The following TSHZ1 variants were observed in gnomAD, a reference collection of about 807,000 sequenced individuals.
TSHZ1 encodes the protein teashirt homolog 1.
TSHZ1 carries 12 observed loss-of-function variants against 67.1 expected under a neutral mutation model. The ratio of observed to expected loss-of-function variants is 0.18; its 90% CI spans 0.11 to 0.29. The LOEUF (loss-of-function observed/expected upper bound fraction) is 0.29. Ranked by LOEUF, TSHZ1 falls within the 10% of genes least tolerant of loss-of-function variation. TSHZ1 has a pLI of 1.00. For synonymous variants in TSHZ1, 632 were observed against 622.4 expected (o/e 1.02, Z -0.23); for missense variants, 1,305 against 1,413.9 (o/e 0.92, Z 1.23).
chr18:75,286,437 A>G lies in TSHZ1; in HGVS notation c.1030A>G (p.Ile344Val). ...GCCTCTGAAGGAGCCAGTGCCAGCC[A>G]TCACCAAACTGGTCCCCTCCACCAA... is the stretch of plus-strand genomic sequence containing the variant. ...KVPLKEPVPA[I>V]TKLVPSTKKR... The change falls in exon 2 of 2, where the codon ATC becomes GTC. Residue 344 changes from isoleucine (I) to valine (V), a missense_variant. Around this residue, in one of 3 missense-constraint regions of TSHZ1, gnomAD observed 38 missense variants for 76.5 expected, o/e 0.50. Coordinates refer to ENST00000580243, the MANE Select transcript of TSHZ1 (RefSeq NM_001308210.2). This position sits in a 1 kb window ranked among gnomAD's most constrained non-coding sequence, Gnocchi z 5.1. 2.5e-6 allele frequency: 4 copies of G among 1,614,192 alleles called. No homozygotes were observed. Among genetic ancestry groups the G allele is most frequent in the African/African-American group, 1.3e-5 (1 of 75,052 alleles).
intron 1 of TSHZ1, among the ~76,000 whole-genome samples, chr18:75,246,403 G>GGTGTGTGTGTGTGTGTGTGTGT (rs74178999): frequency 0.051 from 5,506 of 108,250 alleles, 489 homozygotes; most frequent in Admixed American, 0.062. Flanking sequence ...TTTGGTTTCT[G>GGTGTGTGTGTGTGTGTGTGTGT]GTGTGTGTGT....
At position 75,238,155 on chromosome 18, in the gene TSHZ1, C is replaced by T. The variant is rs76951761; in HGVS notation, c.40+26239C>T. Among the ~76,000 whole-genome samples the T allele has an allele frequency of 8.7e-3, 1,325 of 152,240 alleles. 50 individuals are homozygous for T. Among genetic ancestry groups the T allele is most frequent in the Admixed American group, 0.07 (1,067 of 15,284 alleles). ...TTTGCTTGGAACTCTCCTCAGCTAC[C>T]CACCGGTTACTGCTGTATTTGCAGC... On this transcript the variant is annotated intron_variant, in intron 1 of 1. Coordinates refer to ENST00000580243, the MANE Select transcript of TSHZ1 (RefSeq NM_001308210.2).
intron 1 of TSHZ1, among the ~76,000 whole-genome samples, chr18:75,214,685 G>A (rs140025209): frequency 9.4e-4 from 143 of 152,112 alleles, no homozygotes; most frequent in African/African-American, 3.4e-3. Flanking sequence ...AGAGAGGAAG[G>A]GAAAATTATC....
chr18:75,273,879 T>C (rs2023585037), intron 1 of TSHZ1, among the ~76,000 whole-genome samples: 1 of 152,212 alleles, frequency 6.6e-6, no homozygotes, highest in African/African-American at 2.4e-5. Context: ...TGGTAGGGCC[T>C]CTATAATTTT....
intron 1 of TSHZ1, among the ~76,000 whole-genome samples, chr18:75,224,941 AC>A (rs1362234862): frequency 6.6e-6 from 1 of 151,092 alleles, no homozygotes; most frequent in Non-Finnish European, 1.5e-5. Flanking sequence ...CATCTTTAGC[AC>A]CCCTGAGTTG....
intron 1 of TSHZ1, among the ~76,000 whole-genome samples, chr18:75,278,115 C>G (rs1239526853): frequency 6.6e-6 from 1 of 152,092 alleles, no homozygotes; most frequent in Non-Finnish European, 1.5e-5. Flanking sequence ...CCCATAGAGG[C>G]GAACCACTGG....
intron 1 of TSHZ1, among the ~76,000 whole-genome samples, chr18:75,230,658 A>C (rs1480040262): frequency 6.6e-6 from 1 of 152,208 alleles, no homozygotes; most frequent in Non-Finnish European, 1.5e-5. Context: ...CAGTCACCAC[A>C]CGCAGGTATG....
intron 1 of TSHZ1, among the ~76,000 whole-genome samples, chr18:75,216,926 A>C (rs1485225095): frequency 1.3e-5 from 2 of 152,186 alleles, no homozygotes; most frequent in Non-Finnish European, 2.9e-5. Context: ...CACTCCAGCC[A>C]AACGCCAGAC....
intron 1 of TSHZ1, among the ~76,000 whole-genome samples, chr18:75,268,841 C>T (rs778959190): frequency 6.6e-6 from 1 of 152,210 alleles, no homozygotes; most frequent in Non-Finnish European, 1.5e-5. Context: ...TAAAGGGAGG[C>T]ACAACTCAGG....
At chr18:75,231,737 G>T (rs898478853) in intron 1 of TSHZ1, among the ~76,000 whole-genome samples, 10 of 152,002 alleles carry the variant, frequency 6.6e-5, no homozygotes, top group Non-Finnish European at 1.5e-4. Context: ...GTTTCACCAT[G>T]TTGGCCAGGC....
chr18:75,277,915 C>A (rs1016288712), intron 1 of TSHZ1, among the ~76,000 whole-genome samples: 2 of 152,110 alleles, frequency 1.3e-5, no homozygotes, highest in Non-Finnish European at 2.9e-5. Flanking sequence ...GTGGGGAAAC[C>A]GAGGTCCCAA....
At chr18:75,278,808 T>C (rs2023647457) in intron 1 of TSHZ1, among the ~76,000 whole-genome samples, 1 of 152,006 alleles carries the variant, frequency 6.6e-6, no homozygotes, top group South Asian at 2.1e-4. Flanking sequence ...TTATTATTTG[T>C]ATTATTATTG....
At chr18:75,285,303 GGGGTAGATATGTAAAC>G (rs1239511633) in intron 1 of TSHZ1, 129 bp from the exon 2 acceptor site, 6 of 968,200 alleles carry the variant, frequency 6.2e-6, no homozygotes, top group Admixed American at 3.4e-5. Flanking sequence ...CTCCTGCAAA[GGGGTAGATATGTAAAC>G]TTGGGGTAGC....
intron 1 of TSHZ1, among the ~76,000 whole-genome samples, chr18:75,235,118 T>C (rs1307069291): frequency 6.6e-6 from 1 of 152,080 alleles, no homozygotes. Context: ...TGCGCGTGAA[T>C]GTGAGGGTTT....
intron 1 of TSHZ1, among the ~76,000 whole-genome samples, chr18:75,256,762 T>C (rs2023365985): frequency 6.6e-6 from 1 of 152,152 alleles, no homozygotes. Context: ...CAATATGAAG[T>C]TTTTGGGTAA....
Position 75,286,330 on chromosome 18 carries a change from A to G in TSHZ1, c.923A>G (p.Lys308Arg). 1.2e-6 allele frequency: 2 copies of G among 1,613,826 alleles called. No individual in the cohort carries two copies. The highest frequency in any genetic ancestry group is 1.1e-5 in the South Asian group (1 of 91,070). ...EGKEDAQKVL[K>R]CMYCGHSFES... ...AAGGAGGATGCCCAGAAGGTGCTGAAGTGCATGTACTGTGGACACTCCTTT... is the reference window on the plus strand; with the variant it reads ...AAGGAGGATGCCCAGAAGGTGCTGAGGTGCATGTACTGTGGACACTCCTTT... Residue 308 changes from lysine (K) to arginine (R), a missense_variant, in exon 2 of 2, where the codon AAG (lysine) becomes AGG (arginine). Physicochemically the swap from Lys to Arg is conservative, Grantham distance 26 (BLOSUM62 2). Around this residue, in one of 3 missense-constraint regions of TSHZ1, gnomAD observed 38 missense variants for 76.5 expected, o/e 0.50. Coordinates refer to ENST00000580243, the MANE Select transcript of TSHZ1 (RefSeq NM_001308210.2). This position sits in a 1 kb window ranked among gnomAD's most constrained non-coding sequence, Gnocchi z 5.1.
chr18:75,266,695 A>G (rs1454942211), intron 1 of TSHZ1, among the ~76,000 whole-genome samples: 2 of 152,224 alleles, frequency 1.3e-5, no homozygotes, highest in Non-Finnish European at 2.9e-5. Flanking sequence ...ATGGTGCCTG[A>G]GTCAAGAACT....
chr18:75,238,048 A>T (rs984285705), intron 1 of TSHZ1, among the ~76,000 whole-genome samples: 4 of 152,106 alleles, frequency 2.6e-5, no homozygotes, highest in Admixed American at 2.0e-4. Flanking sequence ...TGATCCGCCC[A>T]CCTTGGCCTC....
intron 1 of TSHZ1, among the ~76,000 whole-genome samples, chr18:75,216,881 G>A (rs1305818179): frequency 1.3e-5 from 2 of 152,152 alleles, no homozygotes; most frequent in Non-Finnish European, 2.9e-5. Context: ...GGTCCACTGG[G>A]CCGGGACCCA....
Sources: gnomAD v4.1 joint callset for allele counts (sites outside exome capture counted in the v4.1 genomes callset) on GRCh38, gnomAD v4.1.1 for gene constraint, gnomAD v4.1.1 regional missense constraint, Gnocchi (gnomAD v3.1) non-coding constraint, MANE v1.5 for transcripts, NCBI Gene and HGNC (gene_info 2026-07-23, HGNC 2026-07-21) for gene names.